Variants in PDE4D observed in about 807,000 individuals in gnomAD.
PDE4D encodes phosphodiesterase 4D.
Under a neutral mutation model 87.4 loss-of-function variants are expected in PDE4D, and 24 were observed. The observed-to-expected ratio is 0.27, with a 90% CI of 0.20 to 0.39. PDE4D has a LOEUF of 0.39. Among genes scored for constraint, PDE4D ranks in the 10% least tolerant of loss-of-function variants. The probability of loss-of-function intolerance (pLI) is 1.00; values close to 1 mark genes in which losing one functional copy is unlikely to be tolerated. For synonymous variants in PDE4D, 384 were observed against 383.2 expected (o/e 1.00, Z -0.02); for missense variants, 714 against 1,041.0 (o/e 0.69, Z 4.32).
intron 5 of PDE4D, among the ~76,000 whole-genome samples, chr5:59,089,950 G>A (rs114805194): frequency 7.7e-4 from 117 of 152,242 alleles, no homozygotes; most frequent in African/African-American, 2.7e-3. Context: ...GACACCCACT[G>A]ACCACGTCAA....
chr5:59,477,962 G>A (rs1227778019), intron 1 of PDE4D, among the ~76,000 whole-genome samples: 1 of 151,970 alleles, frequency 6.6e-6, no homozygotes, highest in East Asian at 1.9e-4. Flanking sequence ...AATACCACAC[G>A]CTCTCACTTG....
chr5:60,307,785 T>C (rs1350369378), intron 1 of PDE4D, among the ~76,000 whole-genome samples: 1 of 152,132 alleles, frequency 6.6e-6, no homozygotes, highest in Non-Finnish European at 1.5e-5. Flanking sequence ...CCACAAATTA[T>C]GCCCTTAAAA....
At chr5:59,501,743 G>A (rs73758975) in intron 1 of PDE4D, among the ~76,000 whole-genome samples, 10,937 of 152,124 alleles carry the variant, frequency 0.072, 1,231 homozygotes, top group African/African-American at 0.24. Flanking sequence ...TGACTGATTG[G>A]AGACACTACC....
At chr5:59,496,154 G>A (rs1423852993) in intron 1 of PDE4D, among the ~76,000 whole-genome samples, 1 of 152,068 alleles carries the variant, frequency 6.6e-6, no homozygotes, top group African/African-American at 2.4e-5. Context: ...TCAGCAGCCC[G>A]GGCTCTCCTA....
chr5:60,070,401 T>C (rs1157151138), intron 2 of PDE4D, among the ~76,000 whole-genome samples: 1 of 152,162 alleles, frequency 6.6e-6, no homozygotes, highest in African/African-American at 2.4e-5. Flanking sequence ...AGTTTGAGTT[T>C]TTAATTAAAA....
At position 59,782,387 on chromosome 5, in the gene PDE4D, C is replaced by T. The variant is rs1764724636; in HGVS notation, c.455+110781G>A. Among the ~76,000 whole-genome samples, 4 of 152,122 alleles carry T rather than the reference C, an allele frequency of 2.6e-5. No individual in the cohort carries two copies. In the South Asian group the frequency reaches 6.2e-4, roughly 24 times the overall value. ...ACAAATCTGGGATTTTAGTGTAGCACGTAAGTGTTCAATACATGTTTGGTT... is the reference window on the plus strand; with the variant it reads ...ACAAATCTGGGATTTTAGTGTAGCATGTAAGTGTTCAATACATGTTTGGTT... On this transcript the variant is annotated intron_variant, in intron 1 of 14. Transcript: ENST00000340635.
intron 1 of PDE4D, among the ~76,000 whole-genome samples, chr5:60,195,288 A>T (rs1007757719): frequency 1.3e-5 from 2 of 151,554 alleles, no homozygotes; most frequent in African/African-American, 4.8e-5. Flanking sequence ...ATTACATCAA[A>T]ATGATCTGTT....
intron 5 of PDE4D, among the ~76,000 whole-genome samples, chr5:59,095,117 C>A (rs953558044): frequency 2.6e-5 from 4 of 151,900 alleles, no homozygotes; most frequent in Non-Finnish European, 5.9e-5. Flanking sequence ...TTTGCTCAGA[C>A]TTTGTATACT....
chr5:60,117,920 T>A (rs1252397540), intron 2 of PDE4D, among the ~76,000 whole-genome samples: 2 of 151,994 alleles, frequency 1.3e-5, no homozygotes, highest in African/African-American at 4.8e-5. Context: ...TCAATCTGAC[T>A]TCTGTTCACA....
intron 2 of PDE4D, among the ~76,000 whole-genome samples, chr5:60,151,715 G>A (rs529777756): frequency 6.6e-6 from 1 of 152,088 alleles, no homozygotes; most frequent in Non-Finnish European, 1.5e-5. Flanking sequence ...CTTTCTTTCT[G>A]ATTTGGATGC....
Position 60,415,530 on chromosome 5 carries a change from T to G in PDE4D, c.-90+72412A>C, listed in dbSNP as rs549750849. ...AGTGCGAGTTCCGGTGGGCGTGGGC[T>G]TGGTGGGCCCGCACTGGGAGCGGCA... is the stretch of plus-strand genomic sequence containing the variant. On this transcript the variant is annotated intron_variant, in intron 1 of 16. Coordinates refer to the PDE4D transcript ENST00000502484. Among the ~76,000 whole-genome samples, 326 of 152,342 alleles carry G rather than the reference T, an allele frequency of 2.1e-3. 1 individual carries two copies. The highest frequency in any genetic ancestry group is 3.2e-3 in the Non-Finnish European group (220 of 68,024).
rs115613093 is a variant in PDE4D at position 59,681,374 on chromosome 5, T to A, written c.455+211794A>T. On this transcript the variant is annotated intron_variant, in intron 1 of 14. Coordinates refer to ENST00000340635, the MANE Select transcript of PDE4D (RefSeq NM_001104631.2). ...AAACAAGCACGAAGAAACATTTTTATGCATAATAGAAAGCCAACTAATAAA... is the reference window on the plus strand; with the variant it reads ...AAACAAGCACGAAGAAACATTTTTAAGCATAATAGAAAGCCAACTAATAAA... Among the ~76,000 whole-genome samples the A allele has an allele frequency of 6.9e-3, 1,048 of 152,264 alleles. 12 individuals are homozygous for A. The highest frequency in any genetic ancestry group is 0.023 in the African/African-American group (961 of 41,550).
chr5:59,022,289 G>A (rs1204687267), intron 6 of PDE4D, among the ~76,000 whole-genome samples: 1 of 152,136 alleles, frequency 6.6e-6, no homozygotes, highest in Admixed American at 6.5e-5. Flanking sequence ...TGGTCAGTTT[G>A]CCTCCAGCCA....
chr5:59,079,873 A>AGGAGAGGAGAGGAGAGGAGG (rs1766404894), intron 5 of PDE4D, among the ~76,000 whole-genome samples: 1 of 121,230 alleles, frequency 8.2e-6, no homozygotes, highest in Non-Finnish European at 1.6e-5. Flanking sequence ...AGGAGAGGAG[A>AGGAGAGGAGAGGAGAGGAGG]GGAGAGGAGA....
intron 1 of PDE4D, among the ~76,000 whole-genome samples, chr5:59,358,280 T>G (rs375720190): frequency 6.6e-6 from 1 of 152,170 alleles, no homozygotes; most frequent in East Asian, 1.9e-4. Flanking sequence ...GAGTGAGAAC[T>G]GCCCTGAACA....
In PDE4D at chr5:59,334,989, G is replaced by T. The variant is rs190986833; in HGVS notation, c.456-119021C>A. ...ATTCCTATTCACTCCTCATTTTTCAGCTTATACACTACTTCCTTCCAGCAG... is the reference window on the plus strand; with the variant it reads ...ATTCCTATTCACTCCTCATTTTTCATCTTATACACTACTTCCTTCCAGCAG... On this transcript the variant is annotated intron_variant, in intron 1 of 14. Coordinates refer to ENST00000340635, the MANE Select transcript of PDE4D (RefSeq NM_001104631.2). 7.9e-5 allele frequency among the ~76,000 whole-genome samples: 12 copies of T among 152,016 alleles called. No homozygotes were observed. The East Asian group carries it at 2.1e-3, about 27-fold the overall frequency.
intron 1 of PDE4D, among the ~76,000 whole-genome samples, chr5:59,742,805 A>G (rs182575963): frequency 1.6e-4 from 24 of 152,316 alleles, no homozygotes; most frequent in African/African-American, 5.8e-4. Context: ...TTGGCCTCCC[A>G]CATTGCTGGA....
At chr5:60,424,888 A>G (rs75122745) in intron 1 of PDE4D, among the ~76,000 whole-genome samples, 2,239 of 152,330 alleles carry the variant, frequency 0.015, 54 homozygotes, top group African/African-American at 0.052. Context: ...ATATACAAAT[A>G]ACAGACAAAT....
intron 2 of PDE4D, among the ~76,000 whole-genome samples, chr5:60,134,297 G>A (rs144139698): frequency 4.0e-4 from 61 of 152,206 alleles, no homozygotes; most frequent in African/African-American, 1.4e-3. Flanking sequence ...AGGAGTTTGA[G>A]ACCTACCTAA....
Sources: gnomAD v4.1 joint callset for allele counts (sites outside exome capture counted in the v4.1 genomes callset) on GRCh38, gnomAD v4.1.1 for gene constraint, MANE v1.5 for transcripts, NCBI Gene and HGNC (gene_info 2026-07-23, HGNC 2026-07-21) for gene names.